The following PTPRD variants were observed in gnomAD, a reference collection of about 807,000 sequenced individuals.
PTPRD encodes protein tyrosine phosphatase receptor type D.
A neutral mutation model predicts 214.5 loss-of-function variants in PTPRD; 34 were observed. The ratio of observed to expected loss-of-function variants is 0.16; its 90% CI spans 0.12 to 0.21. The LOEUF is 0.21. Among genes scored for constraint, PTPRD ranks in the 10% least tolerant of loss-of-function variants. The probability of loss-of-function intolerance (pLI) is 1.00; values close to 1 mark genes in which losing one functional copy is unlikely to be tolerated. For synonymous variants in PTPRD, 1,128 were observed against 845.7 expected (o/e 1.33, Z -5.79); for missense variants, 2,545 against 2,398.7 (o/e 1.06, Z -1.27).
Position 10,051,523 on chromosome 9 carries a change from G to A in PTPRD, c.-544-17733C>T, listed in dbSNP as rs572349892. Among the ~76,000 whole-genome samples, 892 of 151,614 alleles carry A rather than the reference G, an allele frequency of 5.9e-3. 4 individuals are homozygous for A. The highest frequency in any genetic ancestry group is 8.6e-3 in the Non-Finnish European group (584 of 67,902). On this transcript the variant is annotated intron_variant, in intron 3 of 45. Coordinates refer to ENST00000381196, the MANE Select transcript of PTPRD (RefSeq NM_002839.4). ...ATGCAGGTTTGTTACATATGTATAC[G>A]TGTGCCATGTTGGTGTGCTGCACCC...
At chr9:10,585,056 A>G (rs894603600) in intron 2 of PTPRD, among the ~76,000 whole-genome samples, 1 of 152,134 alleles carries the variant, frequency 6.6e-6, no homozygotes. Flanking sequence ...ATGTATTGTG[A>G]TTTTGACTCC....
chr9:9,321,514 C>T (rs1414143813), intron 9 of PTPRD, among the ~76,000 whole-genome samples: 4 of 147,014 alleles, frequency 2.7e-5, no homozygotes, highest in Admixed American at 2.1e-4. Context: ...GAGATCACAC[C>T]ATTGCACCCC....
At chr9:9,756,892 A>G (rs986974587) in intron 6 of PTPRD, among the ~76,000 whole-genome samples, 4 of 152,178 alleles carry the variant, frequency 2.6e-5, no homozygotes, top group African/African-American at 7.2e-5. Context: ...GAAGTTTTCA[A>G]TGTCTTTGTT....
chr9:9,179,420 C>G (rs182043259), intron 10 of PTPRD, among the ~76,000 whole-genome samples: 26 of 152,224 alleles, frequency 1.7e-4, no homozygotes, highest in African/African-American at 6.0e-4. Flanking sequence ...AAAAGTGACA[C>G]TGATGATTAC....
intron 9 of PTPRD, among the ~76,000 whole-genome samples, chr9:9,387,712 C>G (rs557837835): frequency 6.6e-6 from 1 of 152,092 alleles, no homozygotes; most frequent in Non-Finnish European, 1.5e-5. Context: ...TCCTTTGTCC[C>G]CCTCTCAGGG....
intron 5 of PTPRD, among the ~76,000 whole-genome samples, chr9:9,933,521 G>C (rs1224185187): frequency 1.3e-5 from 2 of 151,786 alleles, no homozygotes; most frequent in Non-Finnish European, 1.5e-5. Flanking sequence ...TCAACAAGAA[G>C]AGCTAACTAT....
rs150271619 is a variant in PTPRD at position 8,552,214 on chromosome 9, T to C, written c.353-23435A>G. On this transcript the variant is annotated intron_variant, in intron 14 of 45. Coordinates refer to ENST00000381196, the MANE Select transcript of PTPRD (RefSeq NM_002839.4). ...AGCAAAACCCAAATCCAAACCCCATTTATATACAAAACTGAGAAAAGGAAA... is the reference window on the plus strand; with the variant it reads ...AGCAAAACCCAAATCCAAACCCCATCTATATACAAAACTGAGAAAAGGAAA... Among the ~76,000 whole-genome samples the C allele has an allele frequency of 1.6e-3, 249 of 152,180 alleles. 1 individual carries two copies. The highest frequency in any genetic ancestry group is 5.8e-3 in the African/African-American group (239 of 41,520).
intron 3 of PTPRD, among the ~76,000 whole-genome samples, chr9:10,133,959 T>C (rs1391410054): frequency 1.3e-5 from 2 of 152,162 alleles, no homozygotes; most frequent in African/African-American, 2.4e-5. Flanking sequence ...ACATACTTTT[T>C]TTCATTCAAG....
At chr9:8,673,129 T>A (rs1030501065) in intron 12 of PTPRD, among the ~76,000 whole-genome samples, 3 of 146,068 alleles carry the variant, frequency 2.1e-5, no homozygotes, top group African/African-American at 7.7e-5. Flanking sequence ...TATTAGCTGA[T>A]TTTTTTTTTT....
rs773603669 is a variant in PTPRD, at chr9:8,991,087, T to C, written c.-104+27610A>G. ...AAAAAAAATTAGCCAGGCATGTTGG[T>C]GCATGCCTGTAGTCCCAGCTACTCG... is the stretch of plus-strand genomic sequence containing the variant. On this transcript the variant is annotated intron_variant, in intron 11 of 45. Transcript: ENST00000381196. 5.7e-4 allele frequency among the ~76,000 whole-genome samples: 87 copies of C among 151,550 alleles called. 1 individual carries two copies. Among genetic ancestry groups the C allele is most frequent in the Admixed American group, 9.2e-4 (14 of 15,216 alleles).
chr9:10,277,184 C>CAACATAAACATAA (rs1564958873), intron 3 of PTPRD, among the ~76,000 whole-genome samples: 1 of 133,802 alleles, frequency 7.5e-6, no homozygotes, highest in African/African-American at 2.7e-5. Context: ...AGTAAAAAAA[C>CAACATAAACATAA]AACATAAACA....
chr9:8,331,868 A>AAATAGAAACTTAG (rs1554704506), intron 43 of PTPRD, 132 bp from the exon 44 acceptor site: 10 of 1,064,218 alleles, frequency 9.4e-6, no homozygotes, highest in Non-Finnish European at 1.3e-5. Context: ...GAACATGTTT[A>AAATAGAAACTTAG]AATAGAAACT....
Position 9,177,756 on chromosome 9 carries a change from G to A in PTPRD, c.-143+5548C>T, listed in dbSNP as rs57804586. 2.3e-4 allele frequency among the ~76,000 whole-genome samples: 35 copies of A among 152,096 alleles called. No individual in the cohort carries two copies. In the East Asian group the frequency reaches 4.6e-3, roughly 20 times the overall value. Reference sequence around the variant, plus strand: ...AATTTAAAAATCAGCTTAAGAGGCCGCTATTTATAGTAGTCCCTATAAAAA... The same window carrying A: ...AATTTAAAAATCAGCTTAAGAGGCCACTATTTATAGTAGTCCCTATAAAAA... On this transcript the variant is annotated intron_variant, in intron 10 of 45. Transcript: ENST00000381196.
intron 36 of PTPRD, among the ~76,000 whole-genome samples, chr9:8,395,020 A>G (rs934693475): frequency 6.6e-6 from 1 of 152,094 alleles, no homozygotes; most frequent in African/African-American, 2.4e-5. Context: ...CACTACAGAG[A>G]TGGAGATGGA....
chr9:8,372,956 A>G (rs1227863044), intron 39 of PTPRD, among the ~76,000 whole-genome samples: 1 of 151,960 alleles, frequency 6.6e-6, no homozygotes, highest in Non-Finnish European at 1.5e-5. Flanking sequence ...CTTTGTCACT[A>G]CTTCTTTAAT....
intron 12 of PTPRD, among the ~76,000 whole-genome samples, chr9:8,647,548 G>C (rs1429432988): frequency 6.6e-6 from 1 of 151,928 alleles, no homozygotes; most frequent in Admixed American, 6.6e-5. Context: ...TAAACATTTA[G>C]GTTGTTTCTG....
chr9:9,372,016 G>A (rs1244078400), intron 9 of PTPRD, among the ~76,000 whole-genome samples: 1 of 152,182 alleles, frequency 6.6e-6, no homozygotes, highest in Non-Finnish European at 1.5e-5. Context: ...ATTTGCTGAG[G>A]ATTGCTTTGC....
chr9:8,489,400 T>C (rs1426667969), intron 27 of PTPRD, among the ~76,000 whole-genome samples: 4 of 152,192 alleles, frequency 2.6e-5, no homozygotes, highest in African/African-American at 9.7e-5. Context: ...GATCTCAGTC[T>C]GCTCTCTATT....
chr9:9,621,503 A>G (rs1213145596), intron 7 of PTPRD, among the ~76,000 whole-genome samples: 1 of 152,196 alleles, frequency 6.6e-6, no homozygotes, highest in African/African-American at 2.4e-5. Context: ...TTATTACCAA[A>G]ACAACTTTAA....
Sources: allele counts gnomAD v4.1 joint callset (sites outside exome capture counted in the v4.1 genomes callset), GRCh38; gene constraint gnomAD v4.1.1; transcripts MANE v1.5; gene names NCBI Gene and HGNC (gene_info 2026-07-23, HGNC 2026-07-21).